ATP6V1A: variants seen among roughly 807,000 people sequenced by gnomAD.
ATP6V1A encodes the protein ATPase H+ transporting V1 subunit A, also known as V-type proton ATPase catalytic subunit A.
ATP6V1A carries 18 observed loss-of-function variants against 70.1 expected under a neutral mutation model. The observed-to-expected ratio is 0.26, with a 90% CI of 0.18 to 0.38. ATP6V1A has a LOEUF of 0.38. Among genes scored for constraint, ATP6V1A ranks in the 10% least tolerant of loss-of-function variants. ATP6V1A has a pLI of 1.00. For missense variants in ATP6V1A, 424 were observed against 772.4 expected, an observed-to-expected ratio of 0.55 and a Z score of 5.35; for synonymous variants, 232 against 253.8, an observed-to-expected ratio of 0.91 and a Z score of 0.82.
intron 12 of ATP6V1A, among the ~76,000 whole-genome samples, chr3:113,800,253 A>T (rs1455285744): frequency 2.0e-5 from 3 of 151,738 alleles, no homozygotes; most frequent in African/African-American, 7.3e-5. Flanking sequence ...AAAAAGACGC[A>T]ATTTCTCTTT....
chr3:113,775,174 A>G (rs1708894783), intron 1 of ATP6V1A, among the ~76,000 whole-genome samples: 1 of 151,924 alleles, frequency 6.6e-6, no homozygotes, highest in African/African-American at 2.4e-5. Flanking sequence ...CAGGACCTAT[A>G]TTCAAATAGT....
intron 1 of ATP6V1A, among the ~76,000 whole-genome samples, chr3:113,769,505 A>G (rs554110677): frequency 6.6e-6 from 1 of 152,184 alleles, no homozygotes; most frequent in Non-Finnish European, 1.5e-5. Flanking sequence ...GTATGTGAGT[A>G]AATATTACCT....
chr3:113,747,901 C>T (rs1708541576), intron 1 of ATP6V1A, among the ~76,000 whole-genome samples: 3 of 151,896 alleles, frequency 2.0e-5, no homozygotes, highest in Admixed American at 6.6e-5. Flanking sequence ...TCCCTGAAAC[C>T]GAAATAAGAA....
intron 14 of ATP6V1A, among the ~76,000 whole-genome samples, chr3:113,806,739 C>T (rs1214465734): frequency 2.0e-5 from 3 of 152,274 alleles, no homozygotes; most frequent in Non-Finnish European, 4.4e-5. Flanking sequence ...GGATTACAGG[C>T]GTGAGCCACC....
intron 1 of ATP6V1A, among the ~76,000 whole-genome samples, chr3:113,750,813 G>C (rs1241672266): frequency 2.0e-5 from 3 of 152,174 alleles, no homozygotes; most frequent in Non-Finnish European, 4.4e-5. Flanking sequence ...CCACAGAATT[G>C]ACTGATGTCC....
rs1709316446 is a variant in ATP6V1A at position 113,809,425 on chromosome 3, T to TAGA, written c.*1_*3dup. ...GAATGCATTCCGTAGCCTTGAAGATTAGAAGCCTTGAAGATTACAACTGTG... is the reference window on the plus strand; with the variant it reads ...GAATGCATTCCGTAGCCTTGAAGATTAGAAGAAGCCTTGAAGATTACAACTGTG... On this transcript the variant is annotated inframe_insertion and stop_retained_variant, in exon 15 of 15. Transcript: ENST00000273398. The TAGA allele has an allele frequency of 1.2e-6, 2 of 1,612,426 alleles. No individual in the cohort carries two copies. Among genetic ancestry groups the TAGA allele is most frequent in the East Asian group, 4.5e-5 (2 of 44,826 alleles).
chr3:113,748,140 G>A (rs932459462), intron 1 of ATP6V1A, among the ~76,000 whole-genome samples: 2 of 152,072 alleles, frequency 1.3e-5, no homozygotes, highest in African/African-American at 4.8e-5. Flanking sequence ...TTCCCCATTT[G>A]TAAAACTCCC....
At chr3:113,774,743 G>C (rs1708888513) in intron 1 of ATP6V1A, among the ~76,000 whole-genome samples, 2 of 151,924 alleles carry the variant, frequency 1.3e-5, no homozygotes, top group South Asian at 4.2e-4. Flanking sequence ...AACCTCAGAG[G>C]TGGAGGTTGC....
Position 113,774,453 on chromosome 3 carries a change from A to G in ATP6V1A, c.-13-4288A>G, listed in dbSNP as rs76146647. Among the ~76,000 whole-genome samples, 5 of 152,276 alleles carry G rather than the reference A, an allele frequency of 3.3e-5. No homozygotes were observed. In the East Asian group the frequency reaches 7.7e-4, roughly 23 times the overall value. ...AACTGAGGCTCAAAAGGATGAAACA[A>G]TTTGATTTGCCTAAGGACACAACTT... On this transcript the variant is annotated intron_variant, in intron 1 of 14. Coordinates refer to ENST00000273398, the MANE Select transcript of ATP6V1A (RefSeq NM_001690.4).
At chr3:113,789,964 T>C in intron 8 of ATP6V1A, 124 bp downstream of exon 8, 1 of 668,774 alleles carries the variant, frequency 1.5e-6, no homozygotes, top group South Asian at 2.0e-5. Context: ...AGCACATTCC[T>C]AGCTTTTAAA....
In ATP6V1A at chr3:113,798,472, T is replaced by C. The variant is rs144859721; in HGVS notation, c.1494+26T>C. The C allele has an allele frequency of 1.1e-3, 1,721 of 1,611,346 alleles. 23 individuals carry two copies. The African/African-American group carries it at 0.021, about 19-fold the overall frequency. On this transcript the variant is annotated intron_variant, in intron 12 of 14. Coordinates refer to ENST00000273398, the MANE Select transcript of ATP6V1A (RefSeq NM_001690.4). Reference sequence around the variant, plus strand: ...GTGAGTTGTTAAATTCCATGGAAGATAGATCTGTGGGTTACACTGGGGTGT... The same window carrying C: ...GTGAGTTGTTAAATTCCATGGAAGACAGATCTGTGGGTTACACTGGGGTGT...
chr3:113,797,256 AT>A (rs879809506), intron 11 of ATP6V1A, among the ~76,000 whole-genome samples: 71 of 135,262 alleles, frequency 5.2e-4, no homozygotes, highest in South Asian at 7.0e-4. Context: ...TAAAAAAAAA[AT>A]TTTTTTTTTT....
intron 12 of ATP6V1A, among the ~76,000 whole-genome samples, chr3:113,800,737 G>A (rs1709202389): frequency 6.6e-6 from 1 of 151,992 alleles, no homozygotes; most frequent in African/African-American, 2.4e-5. Flanking sequence ...CTTAACATTA[G>A]CCTTAAAACA....
chr3:113,764,629 G>T (rs1376659140), intron 1 of ATP6V1A, among the ~76,000 whole-genome samples: 1 of 152,154 alleles, frequency 6.6e-6, no homozygotes, highest in Admixed American at 6.5e-5. Context: ...TCATAGGTAA[G>T]TTAAGCTTTA....
intron 1 of ATP6V1A, among the ~76,000 whole-genome samples, chr3:113,777,194 T>G (rs1373503675): frequency 6.6e-6 from 1 of 152,252 alleles, no homozygotes; most frequent in Admixed American, 6.5e-5. Context: ...ACTTGGATAG[T>G]TCCTGTTTTT....
In ATP6V1A at chr3:113,810,044, T is replaced by C. The variant is rs1709322854; in HGVS notation, c.*617T>C. 6.6e-6 allele frequency: 1 copy of C among 151,938 alleles called. No homozygotes were observed. The highest frequency in any genetic ancestry group is 1.5e-5 in the Non-Finnish European group (1 of 68,028). 9.4% of individuals were successfully genotyped at this position (151,938 alleles called of 1,614,324 possible). On this transcript the variant is annotated 3_prime_UTR_variant, in exon 15 of 15. Transcript: ENST00000273398. ...TTTTATTTTTATTTTTTATTTTTTTTATTATTTTTTTTTTGGGGACGGAGT... is the reference window on the plus strand; with the variant it reads ...TTTTATTTTTATTTTTTATTTTTTTCATTATTTTTTTTTTGGGGACGGAGT...
At chr3:113,760,970 G>A (rs1403927914) in intron 1 of ATP6V1A, among the ~76,000 whole-genome samples, 1 of 151,930 alleles carries the variant, frequency 6.6e-6, no homozygotes, top group Non-Finnish European at 1.5e-5. Flanking sequence ...GGGAGGCGGA[G>A]GCAGTAGAAT....
At chr3:113,775,685 T>A (rs1708903132) in intron 1 of ATP6V1A, among the ~76,000 whole-genome samples, 2 of 152,202 alleles carry the variant, frequency 1.3e-5, no homozygotes, top group Admixed American at 6.5e-5. Context: ...TGATCCCAAG[T>A]CTGCTGACCC....
At chr3:113,794,332 C>T (rs995474087) in intron 8 of ATP6V1A, among the ~76,000 whole-genome samples, 2 of 152,164 alleles carry the variant, frequency 1.3e-5, no homozygotes, top group Non-Finnish European at 2.9e-5. Flanking sequence ...TAATTTCAGA[C>T]TTAATTATTT....
Sources: allele counts gnomAD v4.1 joint callset (sites outside exome capture counted in the v4.1 genomes callset), GRCh38; gene constraint gnomAD v4.1.1; transcripts MANE v1.5; gene names NCBI Gene and HGNC (gene_info 2026-07-23, HGNC 2026-07-21).